Variants in SPATA32 observed in about 807,000 individuals in gnomAD.
The protein encoded by SPATA32 is spermatogenesis-associated protein 32.
SPATA32 carries 28 observed loss-of-function variants against 35.4 expected under a neutral mutation model. That is an observed-to-expected ratio of 0.79 (90% CI 0.59 to 1.09). The LOEUF (loss-of-function observed/expected upper bound fraction) is 1.09, where lower values mean the gene tolerates loss of function less well. SPATA32 is among the 50% of genes least tolerant of loss of function. The pLI is 0.00. For missense variants in SPATA32, 409 were observed against 475.9 expected (o/e 0.86, Z 1.31); for synonymous variants, 168 against 196.3 (o/e 0.86, Z 1.20).
rs749935118 is a variant in SPATA32 at position 45,256,397 on chromosome 17, G to C, written c.87C>G (p.His29Gln). 6.2e-7 allele frequency: 1 copy of C among 1,606,340 alleles called. No individual in the cohort carries two copies. Among genetic ancestry groups the C allele is most frequent in the East Asian group, 2.2e-5 (1 of 44,736 alleles). ...TTACCTCCTGTTCCTCTTGTATCTG[G>C]TGTTGACTTAAGTCATCTCTAAGAC... ...VAEMRDDLSQ[H>Q]QIQEEQELEA... Residue 29 changes from histidine (H) to glutamine (Q), a missense_variant, in exon 3 of 5, where the codon CAC becomes CAG. Transcript: ENST00000331780. This position sits in a 1 kb window ranked among gnomAD's most constrained non-coding sequence, Gnocchi z 4.7.
intron 1 of SPATA32, 71 bp downstream of exon 1, chr17:45,261,933 C>G: frequency 3.1e-6 from 4 of 1,277,692 alleles, no homozygotes; most frequent in Non-Finnish European, 3.0e-6. Context: ...CCCCTTCGCG[C>G]CCCTCCCCCT....
At chr17:45,261,703 C>T in intron 1 of SPATA32, 1 of 379,224 alleles carries the variant, frequency 2.6e-6, no homozygotes, top group Non-Finnish European at 4.7e-6. Context: ...ATTGCTCCTT[C>T]TGTGGTCTCA....
At position 45,257,700 on chromosome 17, in the gene SPATA32, G is replaced by A. The variant is rs2043971026; in HGVS notation, c.14-493C>T. On this transcript the variant is annotated intron_variant, in intron 1 of 4. Coordinates refer to ENST00000331780, the MANE Select transcript of SPATA32 (RefSeq NM_152343.3). ...GCGTGGAGTCCCAATAACGCCCCATGTGAACCTCCCCCATCTCCCCATTCC... is the reference window on the plus strand; with the variant it reads ...GCGTGGAGTCCCAATAACGCCCCATATGAACCTCCCCCATCTCCCCATTCC... Among the ~76,000 whole-genome samples, 3 of 152,086 alleles carry A rather than the reference G, an allele frequency of 2.0e-5. No homozygotes were observed. The South Asian group carries it at 6.2e-4, about 31-fold the overall frequency.
At chr17:45,258,308 A>G (rs984580294) in intron 1 of SPATA32, among the ~76,000 whole-genome samples, 4 of 151,982 alleles carry the variant, frequency 2.6e-5, no homozygotes, top group Admixed American at 2.0e-4. Flanking sequence ...CTTGACCACT[A>G]TGCTTCCCTG....
chr17:45,255,362 C>T lies in SPATA32; in HGVS notation c.820G>A (p.Glu274Lys), dbSNP rs917717389. ...MMKAPPQEALEPSTEPLLTTV... is the reference protein window; with the variant it reads ...MMKAPPQEALKPSTEPLLTTV... ...GTCAGGAGGGGCTCTGTGGAAGGCT[C>T]CAGAGCCTCCTGGGGTGGAGCTTTC... is the stretch of plus-strand genomic sequence containing the variant. The change falls in exon 4 of 5, where the codon GAG becomes AAG. Residue 274 changes from glutamate to lysine, a missense_variant. By Grantham distance (56) the Glu-to-Lys change is moderately conservative. Coordinates refer to ENST00000331780, the MANE Select transcript of SPATA32 (RefSeq NM_152343.3). This position sits in a 1 kb window ranked among gnomAD's most constrained non-coding sequence, Gnocchi z 5.4. The T allele has an allele frequency of 3.7e-6, 6 of 1,614,182 alleles. No homozygotes were observed. The highest frequency in any genetic ancestry group is 5.1e-6 in the Non-Finnish European group (6 of 1,180,044).
chr17:45,261,311 C>T (rs910253089), intron 1 of SPATA32, among the ~76,000 whole-genome samples: 1 of 152,194 alleles, frequency 6.6e-6, no homozygotes, highest in African/African-American at 2.4e-5. Flanking sequence ...TCTTGAACTC[C>T]TGGCCTCATG....
At position 45,255,169 on chromosome 17, in the gene SPATA32, A is replaced by G; in HGVS notation, c.1013T>C (p.Ile338Thr). ...CGTGGCTGGTGGCTGGAGAAGCTGG[A>G]TTTGCCCTTTGATGGTGGCCCTCTT... The part of the protein sequence containing the change: ...GIKRATIKGQ[I>T]QLLQPPATSP... The change falls in exon 4 of 5, where the codon ATC becomes ACC. Residue 338 changes from isoleucine to threonine, a missense_variant. Ile to Thr is a moderately conservative substitution (Grantham distance 89). Coordinates refer to ENST00000331780, the MANE Select transcript of SPATA32 (RefSeq NM_152343.3). The surrounding 1 kb of genome is among the most constrained non-coding windows in gnomAD (Gnocchi z 5.4). 1 of 1,614,144 alleles carries G rather than the reference A, an allele frequency of 6.2e-7. No homozygotes were observed. Among genetic ancestry groups the G allele is most frequent in the Non-Finnish European group, 8.5e-7 (1 of 1,180,018 alleles).
Position 45,256,750 on chromosome 17 carries a change from G to A in SPATA32, c.69-335C>T, listed in dbSNP as rs147926096. Among the ~76,000 whole-genome samples, 1,531 of 152,210 alleles carry A rather than the reference G, an allele frequency of 0.01. 24 individuals are homozygous for A. Among genetic ancestry groups the A allele is most frequent in the African/African-American group, 0.035 (1,442 of 41,512 alleles). On this transcript the variant is annotated intron_variant, in intron 2 of 4. Transcript: ENST00000331780. The surrounding 1 kb of genome is among the most constrained non-coding windows in gnomAD (Gnocchi z 4.7). ...GTGAGCTGGGGCAACTCACTTCGAG[G>A]ATTAGTGCCCAGAACACTAGTCCCC...
In SPATA32 at chr17:45,254,488, C is replaced by T. The variant is rs373482486; in HGVS notation, c.1093G>A (p.Glu365Lys). The T allele has an allele frequency of 1.2e-5, 20 of 1,613,866 alleles. No individual in the cohort carries two copies. The highest frequency in any genetic ancestry group is 1.6e-5 in the Non-Finnish European group (19 of 1,179,834). The change falls in exon 5 of 5, where the codon GAG becomes AAG. Residue 365 changes from glutamate to lysine, a missense_variant. Transcript: ENST00000331780. ...EDSVPPGKEK[E>K]NPLLVKIHFK... ...TGGATTTTCACCAATAATGGATTCTCTTTCTCTTTTCCTGGCGGCACTGAG... is the reference window on the plus strand; with the variant it reads ...TGGATTTTCACCAATAATGGATTCTTTTTCTCTTTTCCTGGCGGCACTGAG...
Position 45,255,633 on chromosome 17 carries a change from G to A in SPATA32, c.549C>T (p.Ser183=). The change falls in exon 4 of 5, where the codon AGC becomes AGT. Residue 183 remains serine (S), a synonymous_variant. Transcript: ENST00000331780. The surrounding 1 kb of genome is among the most constrained non-coding windows in gnomAD (Gnocchi z 5.4). ...RAINMQLNNG[S]AGQPIRSPLR... The stretch of plus-strand genomic sequence containing the variant: ...GCGGGGATCTGATGGGCTGGCCTGC[G>A]CTGCCATTGTTGAGCTGCATGTTGA... 3.1e-6 allele frequency: 5 copies of A among 1,613,942 alleles called. No individual in the cohort carries two copies. Among genetic ancestry groups the A allele is most frequent in the South Asian group, 1.1e-5 (1 of 91,082 alleles).
intron 1 of SPATA32, among the ~76,000 whole-genome samples, chr17:45,259,034 C>CTT (rs57633549): frequency 3.3e-5 from 5 of 151,020 alleles, no homozygotes; most frequent in East Asian, 1.9e-4. Flanking sequence ...GTTCTCATAG[C>CTT]TTTTTTTTTC....
intron 1 of SPATA32, 101 bp from the exon 2 acceptor site, chr17:45,257,308 T>G: frequency 7.7e-7 from 1 of 1,305,886 alleles, no homozygotes; most frequent in Non-Finnish European, 1.1e-6. Context: ...CTTTTCTCTC[T>G]TCCCGGCTGC....
In SPATA32 at chr17:45,256,308, T is replaced by G. The variant is rs1598226501; in HGVS notation, c.108+68A>C. 7.6e-5 allele frequency: 115 copies of G among 1,508,422 alleles called. No homozygotes were observed. Among genetic ancestry groups the G allele is most frequent in the Middle Eastern group, 1.8e-4 (1 of 5,714 alleles). 93.4% of individuals were successfully genotyped at this position (1,508,422 alleles called of 1,614,324 possible). A position where few individuals can be genotyped will look rare whatever the true frequency, so the allele number is the denominator to read the frequency against. On this transcript the variant is annotated intron_variant, in intron 3 of 4. Transcript: ENST00000331780. This position sits in a 1 kb window ranked among gnomAD's most constrained non-coding sequence, Gnocchi z 4.7. ...CAGGATTGTCAAGGGTAGGGGCTGG[T>G]GGGGACTTAGGGAAGAGCCCTGCCG...
In SPATA32 at chr17:45,255,279, GC is replaced by G. The variant is rs772976744; in HGVS notation, c.902del (p.Arg301ProfsTer7). The G allele has an allele frequency of 6.2e-7, 1 of 1,614,194 alleles. No individual in the cohort carries two copies. ...NHAETLPEKPREARAPLKSWS... is the reference protein window; with the variant it reads ...NHAETLPEKPXEARAPLKSWS... Reference sequence around the variant, plus strand: ...AAGATTTCAGTGGTGCTCTGGCTTCGCGTGGTTTCTCTGGCAGGGTCTCTGC... The same window carrying G: ...AAGATTTCAGTGGTGCTCTGGCTTCGGTGGTTTCTCTGGCAGGGTCTCTGC... On this transcript the variant is annotated frameshift_variant, in exon 4 of 5. Transcript: ENST00000331780. LOFTEE classifies it high-confidence loss of function. This position sits in a 1 kb window ranked among gnomAD's most constrained non-coding sequence, Gnocchi z 5.4.
rs1192821565 is a variant in SPATA32 at position 45,256,545 on chromosome 17, C to T, written c.69-130G>A. 10 of 763,264 alleles carry T rather than the reference C, an allele frequency of 1.3e-5. No homozygotes were observed. Among genetic ancestry groups the T allele is most frequent in the South Asian group, 8.8e-5 (6 of 68,544 alleles). 47.3% of individuals were successfully genotyped at this position (763,264 alleles called of 1,614,324 possible). A position where few individuals can be genotyped will look rare whatever the true frequency, so the allele number is the denominator to read the frequency against. ...ACGATGCACCTCCCGCCGACCACCC[C>T]GCCACCAGCTCATCCACTCCCCTGC... On this transcript the variant is annotated intron_variant, in intron 2 of 4. Coordinates refer to ENST00000331780, the MANE Select transcript of SPATA32 (RefSeq NM_152343.3). This position sits in a 1 kb window ranked among gnomAD's most constrained non-coding sequence, Gnocchi z 4.7.
chr17:45,256,119 C>G lies in SPATA32; in HGVS notation c.109-46G>C, dbSNP rs1331890731. ...GCTGAGGAGGCAGGAGCGGGAGGTC[C>G]TGCCCCTGAGGCCCTCCCTGGCACC... On this transcript the variant is annotated intron_variant, in intron 3 of 4. Coordinates refer to ENST00000331780, the MANE Select transcript of SPATA32 (RefSeq NM_152343.3). This position sits in a 1 kb window ranked among gnomAD's most constrained non-coding sequence, Gnocchi z 4.7. 1 of 1,561,494 alleles carries G rather than the reference C, an allele frequency of 6.4e-7. No individual in the cohort carries two copies. Among genetic ancestry groups the G allele is most frequent in the Non-Finnish European group, 8.7e-7 (1 of 1,151,536 alleles).
At chr17:45,254,982 G>T in intron 4 of SPATA32, 133 bp downstream of exon 4, 1 of 833,960 alleles carries the variant, frequency 1.2e-6, no homozygotes, top group Non-Finnish European at 1.9e-6. Flanking sequence ...CTGAGGTGGA[G>T]GCGTCACAGC....
At chr17:45,258,001 T>C (rs2043973488) in intron 1 of SPATA32, among the ~76,000 whole-genome samples, 1 of 152,152 alleles carries the variant, frequency 6.6e-6, no homozygotes, top group Non-Finnish European at 1.5e-5. Flanking sequence ...CCCAGGGCCA[T>C]GCATAGGGGT....
At position 45,256,349 on chromosome 17, in the gene SPATA32, C is replaced by G. The variant is rs1435944663; in HGVS notation, c.108+27G>C. ...AGCCCTGCCGCTTGCCTACCACCTC[C>G]CCGTAAGAGGACACTCCCATTTTTA... is the stretch of plus-strand genomic sequence containing the variant. On this transcript the variant is annotated intron_variant, in intron 3 of 4. Transcript: ENST00000331780. This position sits in a 1 kb window ranked among gnomAD's most constrained non-coding sequence, Gnocchi z 4.7. 1.2e-6 allele frequency: 2 copies of G among 1,611,020 alleles called. No individual in the cohort carries two copies. The highest frequency in any genetic ancestry group is 3.3e-5 in the Admixed American group (2 of 60,008).
Sources: gnomAD v4.1 joint callset for allele counts (sites outside exome capture counted in the v4.1 genomes callset) on GRCh38, gnomAD v4.1.1 for gene constraint, Gnocchi (gnomAD v3.1) non-coding constraint, MANE v1.5 for transcripts, NCBI Gene and HGNC (gene_info 2026-07-23, HGNC 2026-07-21) for gene names.